Variants in NABP2 observed in about 807,000 individuals in gnomAD.
The protein encoded by NABP2 is SOSS complex subunit B1.
In NABP2, 7 loss-of-function variants were observed where a neutral mutation model predicts 22.7. The observed-to-expected ratio is 0.31, with a 90% CI of 0.18 to 0.58. The LOEUF (loss-of-function observed/expected upper bound fraction) is 0.58. Ranked by LOEUF, NABP2 falls within the 20% of genes least tolerant of loss-of-function variation. The pLI, the probability that NABP2 is intolerant of heterozygous loss-of-function variation, is 0.89. For missense variants in NABP2, 188 were observed against 265.9 expected (o/e 0.71, Z 2.04); for synonymous variants, 107 against 99.2 (o/e 1.08, Z -0.47).
chr12:56,228,556 T>G (rs2135837258), intron 6 of NABP2, among the ~76,000 whole-genome samples: 1 of 152,012 alleles, frequency 6.6e-6, no homozygotes, highest in South Asian at 2.1e-4. Context: ...CTAGCTAATT[T>G]TTTGTATTTT....
At chr12:56,225,017 T>C in intron 2 of NABP2, 82 bp downstream of exon 2, 2 of 1,082,428 alleles carry the variant, frequency 1.8e-6, no homozygotes, top group Non-Finnish European at 2.8e-6. Context: ...CTTAACTTGC[T>C]ATGGGGATGG....
chr12:56,226,235 G>C lies in NABP2; in HGVS notation c.347G>C (p.Ser116Thr). The C allele has an allele frequency of 1.2e-6, 2 of 1,614,138 alleles. No individual in the cohort carries two copies. The highest frequency in any genetic ancestry group is 1.7e-6 in the Non-Finnish European group (2 of 1,180,020). Residue 116 changes from serine to threonine, a missense_variant, in exon 5 of 7, where the codon AGC becomes ACC. By Grantham distance (58) the Ser-to-Thr change is moderately conservative. Transcript: ENST00000267023. ...PNFSEPNPEY[S>T]TQQAPNKAVQ... ...TTCAGTGAGCCAAACCCAGAGTACAGCACCCAGCAGGCACCCAACAAGGCG... is the reference window on the plus strand; with the variant it reads ...TTCAGTGAGCCAAACCCAGAGTACACCACCCAGCAGGCACCCAACAAGGCG...
upstream of NABP2, chr12:56,224,279 G>A: frequency 2.1e-6 from 2 of 969,376 alleles, no homozygotes; most frequent in Non-Finnish European, 2.5e-6. Context: ...GGGACGCAGG[G>A]CGCGCCCGGG....
intron 2 of NABP2, 95 bp downstream of exon 2, chr12:56,225,030 A>G: frequency 1.1e-6 from 1 of 946,828 alleles, no homozygotes; most frequent in South Asian, 1.4e-5. Flanking sequence ...GGGGATGGCA[A>G]GGCAAGCTGC....
chr12:56,229,745 GAAAGAA>G lies in NABP2; in HGVS notation c.*534_*539del, dbSNP rs1870033666. On this transcript the variant is annotated 3_prime_UTR_variant, in exon 7 of 7. Coordinates refer to ENST00000267023, the MANE Select transcript of NABP2 (RefSeq NM_024068.4). ...GCGAAACTCCATCTCAAAAAAAAAA[GAAAGAA>G]AGAAAGAAAGAAAGAAAGAAATGGC... The G allele has an allele frequency of 5.3e-5, 1 of 18,868 alleles. No homozygotes were observed. The highest frequency in any genetic ancestry group is 0.015 in the South Asian group (1 of 68). 1.2% of individuals were successfully genotyped at this position (18,868 alleles called of 1,614,324 possible). A position where few individuals can be genotyped will look rare whatever the true frequency, so the allele number is the denominator to read the frequency against.
In NABP2 at chr12:56,229,087, T is replaced by TTGGCCACCCC; in HGVS notation, c.510_511insTGGCCACCCC (p.Pro171TrpfsTer33). 1 of 1,512,344 alleles carries TTGGCCACCCC rather than the reference T, an allele frequency of 6.6e-7. No individual in the cohort carries two copies. The highest frequency in any genetic ancestry group is 9.1e-7 in the Non-Finnish European group (1 of 1,102,012). The allele number at this position is 1,512,344 out of a possible 1,614,324, so 93.7% of individuals were successfully genotyped here. The stretch of plus-strand genomic sequence containing the variant: ...GTGGTGGCCCACATCCCCCTCATAC[T>TTGGCCACCCC]CCCTCCCACCCACCCAGCACCCGAA... On this transcript the variant is annotated frameshift_variant, in exon 7 of 7. Coordinates refer to ENST00000267023, the MANE Select transcript of NABP2 (RefSeq NM_024068.4). LOFTEE classifies it high-confidence loss of function.
At chr12:56,224,956 G>A (rs1049629381) in intron 2 of NABP2, 21 bp downstream of exon 2, 2 of 1,564,470 alleles carry the variant, frequency 1.3e-6, no homozygotes, top group Admixed American at 1.7e-5. Context: ...TGGGGTGGCG[G>A]GTTCGCGGGA....
Position 56,226,374 on chromosome 12 carries a change from C to T in NABP2, c.391C>T (p.Pro131Ser), listed in dbSNP as rs1355781936. ...PNKAVQNDSN[P>S]SASQPTTGPS... is the part of the protein sequence containing the mutation. ...CCTTCAGGTGCAGAACGACAGCAAC[C>T]CTTCAGCTTCCCAGCCTACCACTGG... Residue 131 changes from proline (P) to serine (S), a missense_variant, in exon 6 of 7, where the codon CCT (proline) becomes TCT (serine). Pro to Ser is a moderately conservative substitution (Grantham distance 74). Transcript: ENST00000267023. 8 of 1,613,676 alleles carry T rather than the reference C, an allele frequency of 5.0e-6. No individual in the cohort carries two copies. Among genetic ancestry groups the T allele is most frequent in the Non-Finnish European group, 5.9e-6 (7 of 1,180,020 alleles).
In NABP2 at chr12:56,229,372, C is replaced by T; in HGVS notation, c.*159C>T. 1.4e-6 allele frequency: 1 copy of T among 710,798 alleles called. No individual in the cohort carries two copies. The highest frequency in any genetic ancestry group is 1.8e-5 in the South Asian group (1 of 55,460). The allele number at this position is 710,798 out of a possible 1,614,324, so 44.0% of individuals were successfully genotyped here. A position where few individuals can be genotyped will look rare whatever the true frequency, so the allele number is the denominator to read the frequency against. ...TATCCACCCTAATCTCATACTCCCT[C>T]ATTGTCCAGCTGAACTACCTGTCCC... On this transcript the variant is annotated 3_prime_UTR_variant, in exon 7 of 7. Transcript: ENST00000267023.
rs1292832369 is a variant in NABP2, at chr12:56,225,659, A to G, written c.254A>G (p.Tyr85Cys). The G allele has an allele frequency of 3.1e-6, 5 of 1,614,058 alleles. No homozygotes were observed. The change falls in exon 4 of 7, where the codon TAT becomes TGT. Residue 85 changes from tyrosine (Y) to cysteine (C), a missense_variant. Transcript: ENST00000267023. ...GTTTTCAAAGGTTGTCTGACACTAT[A>G]TACTGGCCGTGGGGGTGATCTGCAG... ...ASVFKGCLTL[Y>C]TGRGGDLQKI... is the part of the protein sequence containing the mutation.
At chr12:56,227,907 C>T (rs1464768993) in intron 6 of NABP2, among the ~76,000 whole-genome samples, 1 of 152,136 alleles carries the variant, frequency 6.6e-6, no homozygotes, top group Non-Finnish European at 1.5e-5. Flanking sequence ...ATAATCTTTT[C>T]ACTAGCTGGG....
intron 1 of NABP2, 189 bp downstream of exon 1, chr12:56,224,630 GC>G: frequency 8.9e-7 from 1 of 1,122,056 alleles, no homozygotes; most frequent in Non-Finnish European, 1.2e-6. Flanking sequence ...GGGCCTTCCA[GC>G]CCCAAAGCAG....
chr12:56,224,478 C>G (rs376452950), intron 1 of NABP2, 37 bp downstream of exon 1: 1 of 1,058,774 alleles, frequency 9.4e-7, no homozygotes, highest in Non-Finnish European at 1.2e-6. Context: ...GGGGATGGAC[C>G]GAGTCCCGGC....
rs1869692688 is a variant in NABP2 at position 56,224,945 on chromosome 12, C to A, written c.79+10C>A. 3 of 1,551,572 alleles carry A rather than the reference C, an allele frequency of 1.9e-6. No individual in the cohort carries two copies. The highest frequency in any genetic ancestry group is 2.4e-5 in the East Asian group (1 of 42,440). On this transcript the variant is annotated intron_variant, in intron 2 of 6. Coordinates refer to ENST00000267023, the MANE Select transcript of NABP2 (RefSeq NM_024068.4). ...ATTGTGCTGGAGACAGGTGTCTATA[C>A]TGGGGTGGCGGGTTCGCGGGATGGG...
intron 4 of NABP2, 104 bp downstream of exon 4, chr12:56,225,799 C>CTGTTTGTT (rs139913738): frequency 8.3e-7 from 1 of 1,210,622 alleles, no homozygotes; most frequent in African/African-American, 1.5e-5. Context: ...TGGACTTTTT[C>CTGTTTGTT]TGTTTGTTTG....
chr12:56,225,390 A>C lies in NABP2; in HGVS notation c.97A>C (p.Lys33Gln). 6.2e-7 allele frequency: 1 copy of C among 1,614,136 alleles called. No individual in the cohort carries two copies. The highest frequency in any genetic ancestry group is 2.2e-5 in the East Asian group (1 of 44,880). ...VLETGRVTKT[K>Q]DGHEVRTCKV... is the part of the protein sequence containing the mutation. ...CCGTTCAGGCCGAGTGACCAAGACAAAGGACGGGCATGAGGTTCGGACCTG... is the reference window on the plus strand; with the variant it reads ...CCGTTCAGGCCGAGTGACCAAGACACAGGACGGGCATGAGGTTCGGACCTG... Residue 33 changes from lysine (K) to glutamine (Q), a missense_variant, in exon 3 of 7, where the codon AAG becomes CAG. By Grantham distance (53) the Lys-to-Gln change is moderately conservative. Coordinates refer to ENST00000267023, the MANE Select transcript of NABP2 (RefSeq NM_024068.4).
Position 56,229,500 on chromosome 12 carries a change from C to G in NABP2, c.*287C>G. The G allele has an allele frequency of 2.6e-6, 1 of 380,750 alleles. No individual in the cohort carries two copies. The highest frequency in any genetic ancestry group is 2.6e-5 in the South Asian group (1 of 37,888). The allele number at this position is 380,750 out of a possible 1,614,324, so 23.6% of individuals were successfully genotyped here. The stretch of plus-strand genomic sequence containing the variant: ...TTGTAATCCCAGCACTTTGGGAAGC[C>G]GAGGTGGGCGGATCACCTGAGGTCG... On this transcript the variant is annotated 3_prime_UTR_variant, in exon 7 of 7. Transcript: ENST00000267023.
At chr12:56,224,973 T>TGGGGGGG in intron 2 of NABP2, 38 bp downstream of exon 2, 1 of 897,736 alleles carries the variant, frequency 1.1e-6, no homozygotes, top group Non-Finnish European at 1.8e-6. Flanking sequence ...GGGATGGGGG[T>TGGGGGGG]CGGGGGCAGG....
chr12:56,224,198 T>C (rs1869646137), upstream of NABP2: 1 of 401,880 alleles, frequency 2.5e-6, no homozygotes, highest in South Asian at 1.0e-4. Context: ...AAGGTTCCTT[T>C]AATACCTGAA....
Sources: allele counts gnomAD v4.1 joint callset (sites outside exome capture counted in the v4.1 genomes callset), GRCh38; gene constraint gnomAD v4.1.1; transcripts MANE v1.5; gene names NCBI Gene and HGNC (gene_info 2026-07-23, HGNC 2026-07-21).